Variants in PIEZO1 observed in about 807,000 individuals in gnomAD.
The protein encoded by PIEZO1 is piezo-type mechanosensitive ion channel component 1.
A neutral mutation model predicts 297.2 loss-of-function variants in PIEZO1; 296 were observed. The ratio of observed to expected loss-of-function variants is 1.00; its 90% CI spans 0.91 to 1.10. PIEZO1 has a LOEUF of 1.10. Ranked by LOEUF, PIEZO1 falls within the 50% of genes least tolerant of loss-of-function variation. The probability of loss-of-function intolerance (pLI) is 0.00; values close to 1 mark genes in which losing one functional copy is unlikely to be tolerated. For synonymous variants in PIEZO1, 2,427 were observed against 1,507.5 expected, an observed-to-expected ratio of 1.61 and a Z score of -14.13; for missense variants, 5,018 against 3,455.5, an observed-to-expected ratio of 1.45 and a Z score of -11.34.
chr16:88,756,682 C>T (rs542866116), intron 1 of PIEZO1, among the ~76,000 whole-genome samples: 59 of 150,512 alleles, frequency 3.9e-4, no homozygotes, highest in African/African-American at 1.3e-3. Flanking sequence ...GCAAGAGAAT[C>T]GCTTGAACCT....
intron 30 of PIEZO1, among the ~76,000 whole-genome samples, chr16:88,724,252 C>T (rs1039294495): frequency 3.9e-5 from 6 of 152,206 alleles, no homozygotes; most frequent in Admixed American, 3.3e-4. Context: ...CAGAACAGGC[C>T]GGGCACGGTG....
At chr16:88,734,600 A>T in intron 15 of PIEZO1, 50 bp downstream of exon 15, 1 of 1,225,182 alleles carries the variant, frequency 8.2e-7, no homozygotes. Context: ...GCCCCGGGGA[A>T]GTGCACGGGG....
intron 1 of PIEZO1, among the ~76,000 whole-genome samples, chr16:88,778,194 G>A (rs1291896449): frequency 1.3e-5 from 2 of 152,328 alleles, no homozygotes; most frequent in African/African-American, 4.8e-5. Context: ...GGCATGGCCC[G>A]AGCCCCCTTC....
At chr16:88,777,850 C>T (rs1020227660) in intron 1 of PIEZO1, among the ~76,000 whole-genome samples, 22 of 152,134 alleles carry the variant, frequency 1.4e-4, no homozygotes, top group African/African-American at 5.1e-4. Flanking sequence ...CCCAAACCCA[C>T]GCCTGTGCCT....
chr16:88,784,534 C>T (rs571240043), intron 1 of PIEZO1, among the ~76,000 whole-genome samples: 12 of 152,080 alleles, frequency 7.9e-5, no homozygotes, highest in African/African-American at 2.9e-4. Flanking sequence ...CGTGCTCCCC[C>T]CACCACCGCC....
intron 27 of PIEZO1, 101 bp from the exon 28 acceptor site, chr16:88,725,785 C>CT (rs1291719348): frequency 4.4e-6 from 3 of 688,586 alleles, no homozygotes; most frequent in Non-Finnish European, 7.8e-6. Flanking sequence ...CAGCCTGCTC[C>CT]TCTCTGCCCA....
Position 88,715,859 on chromosome 16 carries a change from G to A in PIEZO1, c.7317-5C>T, listed in dbSNP as rs150172633. On this transcript the variant is annotated splice_region_variant and splice_polypyrimidine_tract_variant and intron_variant, in intron 50 of 50. Coordinates refer to ENST00000301015, the MANE Select transcript of PIEZO1 (RefSeq NM_001142864.4). Reference sequence around the variant, plus strand: ...GACACGTACAGCCCCATGATGCTGCGGGGGAAGCTGGTGAGTCCTGGGGCC... The same window carrying A: ...GACACGTACAGCCCCATGATGCTGCAGGGGAAGCTGGTGAGTCCTGGGGCC... The A allele has an allele frequency of 6.2e-4, 965 of 1,549,258 alleles. 2 individuals are homozygous for A. The African/African-American group carries it at 8.3e-3, about 13-fold the overall frequency.
In PIEZO1 at chr16:88,734,016, T is replaced by G. The variant is rs922622667; in HGVS notation, c.2219A>C (p.Glu740Ala). Residue 740 changes from glutamate (E) to alanine (A), a missense_variant, in exon 17 of 51, where the codon GAG becomes GCG. Glu to Ala is a moderately radical substitution (Grantham distance 107). Coordinates refer to ENST00000301015, the MANE Select transcript of PIEZO1 (RefSeq NM_001142864.4). ...CTGCTGCTGCTGATGCTCCTGCTGC[T>G]CCTCCCGCAGCAGTGGGGTCCCACT... ...AVSGTPLLREEQQEHQQQQQE... is the reference protein window; with the variant it reads ...AVSGTPLLREAQQEHQQQQQE... The G allele has an allele frequency of 3.1e-5, 48 of 1,546,628 alleles. No individual in the cohort carries two copies. In the East Asian group the frequency reaches 1.1e-3, roughly 34 times the overall value.
chr16:88,770,539 G>C (rs1281991015), intron 1 of PIEZO1, among the ~76,000 whole-genome samples: 4 of 152,224 alleles, frequency 2.6e-5, no homozygotes, highest in African/African-American at 9.6e-5. Flanking sequence ...AGTCCATCGG[G>C]AGAGGTGGCC....
At position 88,742,325 on chromosome 16, in the gene PIEZO1, GC is replaced by G; in HGVS notation, c.257del (p.Arg86ProfsTer20). The G allele has an allele frequency of 6.5e-7, 1 of 1,535,212 alleles. No homozygotes were observed. The highest frequency in any genetic ancestry group is 8.7e-7 in the Non-Finnish European group (1 of 1,146,478). ...ALQICLHIVP[R>X]LDQLLGPSCS... ...AGCTGGGTCCCAGGAGCTGGTCCAGGCGGGGCACAATATGCAGGCAGATCTG... is the reference window on the plus strand; with the variant it reads ...AGCTGGGTCCCAGGAGCTGGTCCAGGGGGGCACAATATGCAGGCAGATCTG... On this transcript the variant is annotated frameshift_variant, in exon 3 of 51. Transcript: ENST00000301015. LOFTEE classifies it high-confidence loss of function.
Position 88,732,406 on chromosome 16 carries a change from G to A in PIEZO1, c.2920C>T (p.Gln974Ter). ...QAVFASGTRQ[Q>*]LDQDLLGCLK... ...CAGCCGAGCAGATCCTGGTCCAGCT[G>A]CTGGCGGGTGCCGCTGGCAAACACG... The change falls in exon 21 of 51, where the codon CAG becomes TAG. Residue 974 changes from glutamine to a stop codon, truncating the protein, a stop_gained. Coordinates refer to ENST00000301015, the MANE Select transcript of PIEZO1 (RefSeq NM_001142864.4). LOFTEE classifies it high-confidence loss of function. 3 of 1,549,796 alleles carry A rather than the reference G, an allele frequency of 1.9e-6. No individual in the cohort carries two copies. The highest frequency in any genetic ancestry group is 2.6e-6 in the Non-Finnish European group (3 of 1,146,554).
intron 1 of PIEZO1, among the ~76,000 whole-genome samples, chr16:88,774,915 G>A (rs1464181467): frequency 6.6e-6 from 1 of 152,222 alleles, no homozygotes; most frequent in Non-Finnish European, 1.5e-5. Context: ...TAACCCCAGA[G>A]GAACCAGTCA....
chr16:88,759,801 G>C (rs1906843481), intron 1 of PIEZO1, among the ~76,000 whole-genome samples: 1 of 152,180 alleles, frequency 6.6e-6, no homozygotes, highest in South Asian at 2.1e-4. Flanking sequence ...TTCACAGCAA[G>C]GTCTATGGAG....
At position 88,719,680 on chromosome 16, in the gene PIEZO1, A is replaced by T. The variant is rs1173249935; in HGVS notation, c.6365T>A (p.Met2122Lys). 6.4e-7 allele frequency: 1 copy of T among 1,553,020 alleles called. No homozygotes were observed. The highest frequency in any genetic ancestry group is 8.7e-7 in the Non-Finnish European group (1 of 1,148,500). ...VPFLVELRAV[M>K]DWVWTDTTLS... ...CGTGGTGTCCGTCCACACCCAGTCC[A>T]TCACTGCCCGCAGCTCCACCAGGAA... Residue 2122 changes from methionine to lysine, a missense_variant, in exon 44 of 51, where the codon ATG (methionine) becomes AAG (lysine). Physicochemically the swap from Met to Lys is moderately conservative, Grantham distance 95. Transcript: ENST00000301015.
chr16:88,776,776 G>A (rs942950912), intron 1 of PIEZO1, among the ~76,000 whole-genome samples: 6 of 152,326 alleles, frequency 3.9e-5, no homozygotes, highest in East Asian at 1.9e-4. Context: ...CCAGTCCGGC[G>A]CTGATAGCCT....
rs777818544 is a variant in PIEZO1 at position 88,731,860 on chromosome 16, C to G, written c.3042G>C (p.Leu1014=). 1 of 1,056,250 alleles carries G rather than the reference C, an allele frequency of 9.5e-7. No homozygotes were observed. The highest frequency in any genetic ancestry group is 9.5e-5 in the East Asian group (1 of 10,494). 65.4% of individuals were successfully genotyped at this position (1,056,250 alleles called of 1,614,324 possible). A position where few individuals can be genotyped will look rare whatever the true frequency, so the allele number is the denominator to read the frequency against. Residue 1014 remains leucine (L), a synonymous_variant, in exon 22 of 51, where the codon CTG becomes CTC. Coordinates refer to ENST00000301015, the MANE Select transcript of PIEZO1 (RefSeq NM_001142864.4). ...CCAGCCAGCAACCGTGCAGGGTCAC[C>G]AGAAAGTTCATGCGCTGCCCGATCA... ...VNVIGQRMNF[L]VTLHGCWLVA...
Position 88,736,728 on chromosome 16 carries a change from GCT to G in PIEZO1, c.1205_1206del (p.Lys402ThrfsTer3). ...GGAGACGCCTCCCTGGGCTCAGCCC[GCT>G]TGGGCCGCACTGCAGGTGGGGACAG... is the stretch of plus-strand genomic sequence containing the variant. Reference protein sequence around the residue: ...SSVLRRPVRPKRAEPREASPL... With the variant: ...SSVLRRPVRPXRAEPREASPL... On this transcript the variant is annotated frameshift_variant, in exon 11 of 51. Transcript: ENST00000301015. LOFTEE classifies it high-confidence loss of function. 2 of 1,529,294 alleles carry G rather than the reference GCT, an allele frequency of 1.3e-6. No individual in the cohort carries two copies. The highest frequency in any genetic ancestry group is 1.7e-6 in the Non-Finnish European group (2 of 1,143,168). The allele number at this position is 1,529,294 out of a possible 1,614,324, so 94.7% of individuals were successfully genotyped here.
Position 88,738,393 on chromosome 16 carries a change from G to A in PIEZO1, c.682C>T (p.Leu228=), listed in dbSNP as rs1434879916. Residue 228 remains leucine (L), a synonymous_variant, in exon 7 of 51, where the codon CTG becomes TTG. Transcript: ENST00000301015. Reference sequence around the variant, plus strand: ...CAGGCCCACCAGGTGCAGAGGGCCAGGAAGAGCAGCAGGTAGACACTGGAG... The same window carrying A: ...CAGGCCCACCAGGTGCAGAGGGCCAAGAAGAGCAGCAGGTAGACACTGGAG... ...ALSSVYLLLF[L]ALCTWWACHF... 1.3e-6 allele frequency: 2 copies of A among 1,535,858 alleles called. No individual in the cohort carries two copies. Among genetic ancestry groups the A allele is most frequent in the Non-Finnish European group, 1.7e-6 (2 of 1,146,860 alleles).
At position 88,716,035 on chromosome 16, in the gene PIEZO1, A is replaced by T; in HGVS notation, c.7214T>A (p.Val2405Asp). ...AGATGFLEWW[V>D]IELQECRTDC... ...GGTCCGGCACTCCTGCAGCTCGATG[A>T]CCCACCATTCGAGGAAGCCGGTGGC... The change falls in exon 50 of 51, where the codon GTC (valine) becomes GAC (aspartate). Residue 2405 changes from valine (V) to aspartate (D), a missense_variant. By Grantham distance (152) the Val-to-Asp change is radical. Coordinates refer to ENST00000301015, the MANE Select transcript of PIEZO1 (RefSeq NM_001142864.4). 1 of 1,550,140 alleles carries T rather than the reference A, an allele frequency of 6.5e-7. No homozygotes were observed. Among genetic ancestry groups the T allele is most frequent in the African/African-American group, 1.4e-5 (1 of 73,140 alleles).
Sources: allele counts gnomAD v4.1 joint callset (sites outside exome capture counted in the v4.1 genomes callset), GRCh38; gene constraint gnomAD v4.1.1; transcripts MANE v1.5; gene names NCBI Gene and HGNC (gene_info 2026-07-23, HGNC 2026-07-21).